The following KLF12 variants were observed in gnomAD, a reference collection of about 807,000 sequenced individuals.
KLF12 encodes KLF transcription factor 12, also known as Krueppel-like factor 12.
In KLF12, 9 loss-of-function variants were observed where a neutral mutation model predicts 37.8. That is an observed-to-expected ratio of 0.24 (90% CI 0.14 to 0.42). KLF12 has a LOEUF of 0.42. Ranked by LOEUF, KLF12 falls within the 10% of genes least tolerant of loss-of-function variation. KLF12 has a pLI of 1.00. For synonymous variants in KLF12, 208 were observed against 202.1 expected, an observed-to-expected ratio of 1.03 and a Z score of -0.25; for missense variants, 411 against 516.0, an observed-to-expected ratio of 0.80 and a Z score of 1.97.
At chr13:74,053,897 A>G (rs1351529134) in intron 1 of KLF12, among the ~76,000 whole-genome samples, 1 of 152,226 alleles carries the variant, frequency 6.6e-6, no homozygotes, top group Non-Finnish European at 1.5e-5. Context: ...AGAGACACAT[A>G]GTCATTAAAA....
intron 3 of KLF12, among the ~76,000 whole-genome samples, chr13:73,943,127 TA>T (rs1296382814): frequency 1.3e-5 from 2 of 152,226 alleles, no homozygotes; most frequent in Non-Finnish European, 2.9e-5. Flanking sequence ...AAAACATTGC[TA>T]ATTTTTAGTT....
chr13:73,886,333 C>G (rs1305797917), intron 3 of KLF12, among the ~76,000 whole-genome samples: 1 of 152,190 alleles, frequency 6.6e-6, no homozygotes, highest in African/African-American at 2.4e-5. Flanking sequence ...TCCATTAATT[C>G]TGCATGAATC....
At chr13:73,881,049 C>T (rs1350370835) in intron 3 of KLF12, among the ~76,000 whole-genome samples, 3 of 152,138 alleles carry the variant, frequency 2.0e-5, no homozygotes, top group Non-Finnish European at 4.4e-5. Flanking sequence ...CCCAAACATG[C>T]TCTCTAGAGA....
intron 1 of KLF12, among the ~76,000 whole-genome samples, chr13:74,049,164 A>C (rs1432006201): frequency 2.6e-5 from 4 of 152,222 alleles, no homozygotes; most frequent in Non-Finnish European, 5.9e-5. Flanking sequence ...GCAGAGTCAA[A>C]CAAAGGGCCT....
At chr13:74,267,030 T>C in the KLF12 span, among the ~76,000 whole-genome samples, 1 of 152,184 alleles carries the variant, frequency 6.6e-6, no homozygotes, top group African/African-American at 2.4e-5. Context: ...TCAGGATAGA[T>C]GATAACTCAC....
the KLF12 span, among the ~76,000 whole-genome samples, chr13:74,246,905 T>C: frequency 1.3e-5 from 2 of 152,310 alleles, no homozygotes; most frequent in African/African-American, 4.8e-5. Flanking sequence ...TAATTACTTA[T>C]GGTGAAAAAT....
chr13:73,909,889 T>C (rs896574413), intron 3 of KLF12, among the ~76,000 whole-genome samples: 1 of 152,222 alleles, frequency 6.6e-6, no homozygotes, highest in Non-Finnish European at 1.5e-5. Flanking sequence ...CCTCTCAATT[T>C]GGTTATTTTG....
the KLF12 span, among the ~76,000 whole-genome samples, chr13:74,280,605 TG>T: frequency 6.6e-6 from 1 of 152,216 alleles, no homozygotes; most frequent in Non-Finnish European, 1.5e-5. Context: ...ACATGATCTC[TG>T]GTCACATTCT....
chr13:74,048,923 C>T (rs760062371), intron 1 of KLF12, among the ~76,000 whole-genome samples: 9 of 151,992 alleles, frequency 5.9e-5, no homozygotes, highest in Non-Finnish European at 1.0e-4. Context: ...TGAGGGAGGC[C>T]GGCCAATTGT....
chr13:73,972,130 GA>G (rs1891364935), intron 2 of KLF12, among the ~76,000 whole-genome samples: 2 of 152,110 alleles, frequency 1.3e-5, no homozygotes, highest in East Asian at 1.9e-4. Flanking sequence ...GTAAAGGGAG[GA>G]AAAAACATAA....
intron 2 of KLF12, among the ~76,000 whole-genome samples, chr13:73,945,314 C>T (rs2139375904): frequency 6.6e-6 from 1 of 152,102 alleles, no homozygotes; most frequent in African/African-American, 2.4e-5. Flanking sequence ...ACTAAAAATA[C>T]AAAAATTAGC....
chr13:73,916,792 T>C (rs1385777783), intron 3 of KLF12, among the ~76,000 whole-genome samples: 3 of 152,194 alleles, frequency 2.0e-5, no homozygotes, highest in African/African-American at 7.2e-5. Flanking sequence ...AATATATTAA[T>C]ATTTAACAAA....
intron 5 of KLF12, among the ~76,000 whole-genome samples, chr13:73,799,231 A>C (rs1007425099): frequency 3.9e-5 from 6 of 152,126 alleles, no homozygotes; most frequent in Non-Finnish European, 8.8e-5. Context: ...AACACAAAGA[A>C]GGAAGCAGAC....
the KLF12 span, among the ~76,000 whole-genome samples, chr13:74,170,987 A>G: frequency 6.6e-6 from 1 of 151,812 alleles, no homozygotes. Context: ...CTGGTCTCGA[A>G]CTCCTGACCT....
At chr13:74,136,878 G>A (rs145475975), upstream of KLF12, among the ~76,000 whole-genome samples, 198 of 152,220 alleles carry the variant, frequency 1.3e-3, no homozygotes, top group African/African-American at 4.5e-3. Context: ...CAACTTCCTA[G>A]CTATGAAAAG....
chr13:74,110,703 G>C lies in KLF12; in HGVS notation c.-32+23036C>G, dbSNP rs116117445. Among the ~76,000 whole-genome samples, 493 of 152,142 alleles carry C rather than the reference G, an allele frequency of 3.2e-3. 1 individual carries two copies. Among genetic ancestry groups the C allele is most frequent in the African/African-American group, 0.011 (471 of 41,512 alleles). Reference sequence around the variant, plus strand: ...TCACCAATCATATCACAGCTGGTTGGTCTCGGTTGAGTTAAATTTACTTGG... The same window carrying C: ...TCACCAATCATATCACAGCTGGTTGCTCTCGGTTGAGTTAAATTTACTTGG... On this transcript the variant is annotated intron_variant, in intron 1 of 7. Transcript: ENST00000377669.
At chr13:73,700,100 T>C (rs1327136875) in intron 7 of KLF12, among the ~76,000 whole-genome samples, 3 of 151,912 alleles carry the variant, frequency 2.0e-5, no homozygotes, top group African/African-American at 2.4e-5. Flanking sequence ...CAAAACCTTA[T>C]GTCTATCAAA....
At chr13:73,994,548 G>A (rs752633254) in intron 2 of KLF12, among the ~76,000 whole-genome samples, 3 of 151,536 alleles carry the variant, frequency 2.0e-5, no homozygotes, top group Non-Finnish European at 4.4e-5. Flanking sequence ...CCTACTTCTA[G>A]GAGAAAAGCA....
the KLF12 span, among the ~76,000 whole-genome samples, chr13:74,160,477 G>A: frequency 6.6e-6 from 1 of 152,226 alleles, no homozygotes; most frequent in Non-Finnish European, 1.5e-5. Context: ...AAGTTTCTGT[G>A]TTTTCAGGGA....
Sources: allele counts gnomAD v4.1 joint callset (sites outside exome capture counted in the v4.1 genomes callset), GRCh38; gene constraint gnomAD v4.1.1; transcripts MANE v1.5; gene names NCBI Gene and HGNC (gene_info 2026-07-23, HGNC 2026-07-21).